C1orf146: variants seen among roughly 807,000 people sequenced by gnomAD.
C1orf146 encodes chromosome 1 open reading frame 146.
C1orf146 carries 22 observed loss-of-function variants against 23.0 expected under a neutral mutation model. The ratio of observed to expected loss-of-function variants is 0.96; its 90% confidence interval spans 0.68 to 1.36. C1orf146 has a LOEUF of 1.36. Among genes scored for constraint, C1orf146 ranks in the 40% most tolerant of loss-of-function variants. C1orf146 has a pLI of 0.00. For synonymous variants in C1orf146, 59 were observed against 65.3 expected (o/e 0.90, Z 0.47); for missense variants, 199 against 206.8 (o/e 0.96, Z 0.23).
chr1:92,238,183 C>T (rs374742698), intron 2 of C1orf146, among the ~76,000 whole-genome samples: 5 of 152,180 alleles, frequency 3.3e-5, no homozygotes, highest in African/African-American at 4.8e-5. Context: ...ACAACCTGCA[C>T]GATGGCTTCC....
intron 1 of C1orf146, chr1:92,229,453 T>C (rs2100733958): frequency 2.0e-6 from 1 of 504,000 alleles, no homozygotes; most frequent in South Asian, 1.6e-5. Context: ...TCATCAGCTG[T>C]AGCTGTTCTT....
chr1:92,236,452 C>T (rs549399231), intron 2 of C1orf146, among the ~76,000 whole-genome samples: 33 of 152,190 alleles, frequency 2.2e-4, no homozygotes, highest in Non-Finnish European at 4.1e-4. Context: ...TCTCTTCTGG[C>T]TTGTAGAGTT....
intron 1 of C1orf146, among the ~76,000 whole-genome samples, chr1:92,219,521 T>TAA (rs1553129353): frequency 2.1e-5 from 3 of 141,994 alleles, no homozygotes; most frequent in Middle Eastern, 3.6e-3. Flanking sequence ...TTTTTTTTTT[T>TAA]AAGACAGAGT....
intron 1 of C1orf146, among the ~76,000 whole-genome samples, chr1:92,226,447 T>C (rs1651971791): frequency 6.6e-6 from 1 of 151,858 alleles, no homozygotes; most frequent in Non-Finnish European, 1.5e-5. Flanking sequence ...CCCAATAATA[T>C]AATTACTGCT....
intron 2 of C1orf146, among the ~76,000 whole-genome samples, chr1:92,236,128 T>C (rs574582966): frequency 8.5e-5 from 13 of 152,276 alleles, no homozygotes; most frequent in Non-Finnish European, 1.6e-4. Context: ...AATATTGTTA[T>C]GTGTGAATTT....
chr1:92,238,448 C>T (rs1465733319), intron 2 of C1orf146, among the ~76,000 whole-genome samples: 2 of 152,078 alleles, frequency 1.3e-5, no homozygotes, highest in East Asian at 3.8e-4. Context: ...TCAGCATTTC[C>T]GAATCTTATT....
intron 2 of C1orf146, among the ~76,000 whole-genome samples, chr1:92,233,947 TG>T (rs1486362334): frequency 6.6e-6 from 1 of 152,262 alleles, no homozygotes; most frequent in Non-Finnish European, 1.5e-5. Context: ...CTGTGATTTT[TG>T]TACATTGATT....
chr1:92,233,849 G>C (rs1245527022), intron 2 of C1orf146, among the ~76,000 whole-genome samples: 1 of 152,098 alleles, frequency 6.6e-6, no homozygotes, highest in Non-Finnish European at 1.5e-5. Context: ...TGGATTCCTA[G>C]GTATTTTATT....
At chr1:92,237,100 T>C (rs1334109710) in intron 2 of C1orf146, among the ~76,000 whole-genome samples, 1 of 152,248 alleles carries the variant, frequency 6.6e-6, no homozygotes, top group Non-Finnish European at 1.5e-5. Context: ...CCTTCTTCTC[T>C]CAACTCGTTA....
chr1:92,244,949 T>A (rs1019936463), intron 5 of C1orf146, 92 bp downstream of exon 5: 3 of 741,174 alleles, frequency 4.0e-6, no homozygotes, highest in East Asian at 5.3e-5. Context: ...CTGGCAAATA[T>A]CATGCTTCTG....
chr1:92,242,369 C>A, intron 3 of C1orf146, 64 bp downstream of exon 3: 1 of 851,334 alleles, frequency 1.2e-6, no homozygotes, highest in Non-Finnish European at 1.9e-6. Flanking sequence ...ATTCTAATGA[C>A]TTCATAGTTC....
intron 2 of C1orf146, among the ~76,000 whole-genome samples, chr1:92,237,654 A>G (rs1330509760): frequency 6.6e-6 from 1 of 152,008 alleles, no homozygotes; most frequent in Non-Finnish European, 1.5e-5. Context: ...TGCAGAAATC[A>G]CCTGTCTTCT....
At chr1:92,231,583 C>T (rs890421823) in intron 2 of C1orf146, 97 bp downstream of exon 2, 14 of 707,944 alleles carry the variant, frequency 2.0e-5, no homozygotes, top group Non-Finnish European at 2.7e-5. Flanking sequence ...CTTAATTATC[C>T]ACAATTAATT....
chr1:92,233,175 G>C (rs1009453817), intron 2 of C1orf146, among the ~76,000 whole-genome samples: 9 of 152,170 alleles, frequency 5.9e-5, no homozygotes, highest in Non-Finnish European at 1.2e-4. Context: ...TAGACGTGAA[G>C]TCCTTGCCCA....
intron 1 of C1orf146, among the ~76,000 whole-genome samples, chr1:92,226,403 A>G (rs1489832639): frequency 6.8e-6 from 1 of 147,612 alleles, no homozygotes; most frequent in African/African-American, 2.4e-5. Context: ...ACGCATGCAC[A>G]CACACACACA....
At chr1:92,241,582 G>A (rs1279680246) in intron 2 of C1orf146, among the ~76,000 whole-genome samples, 2 of 151,878 alleles carry the variant, frequency 1.3e-5, no homozygotes, top group East Asian at 1.9e-4. Flanking sequence ...CTCCACCTCC[G>A]AGTTCAAGTG....
intron 1 of C1orf146, chr1:92,229,468 C>G (rs1652056368): frequency 2.1e-6 from 1 of 484,566 alleles, no homozygotes. Context: ...GTTCTTTGTA[C>G]CATCTTCTTT....
intron 2 of C1orf146, among the ~76,000 whole-genome samples, chr1:92,233,524 A>G (rs1652188061): frequency 6.6e-6 from 1 of 152,110 alleles, no homozygotes; most frequent in Admixed American, 6.5e-5. Flanking sequence ...CTTGTAGTAT[A>G]GTTTGAAGTC....
At chr1:92,240,853 C>G (rs1298911523) in intron 2 of C1orf146, 13 of 450,362 alleles carry the variant, frequency 2.9e-5, no homozygotes, top group Non-Finnish European at 4.1e-5. Context: ...TCAGGAAAAA[C>G]TATTAACCAC....
Sources: gnomAD v4.1 joint callset for allele counts (sites outside exome capture counted in the v4.1 genomes callset) on GRCh38, gnomAD v4.1.1 for gene constraint, MANE v1.5 for transcripts, NCBI Gene and HGNC (gene_info 2026-07-23, HGNC 2026-07-21) for gene names.